Variants in DNAJC6 observed in about 807,000 individuals in gnomAD.
DNAJC6 encodes auxilin.
In DNAJC6, 34 loss-of-function variants were observed where a neutral mutation model predicts 110.0. The observed-to-expected ratio is 0.31, with a 90% confidence interval of 0.24 to 0.41. DNAJC6 has a LOEUF of 0.41. Ranked by LOEUF, DNAJC6 falls within the 10% of genes least tolerant of loss-of-function variation. DNAJC6 has a pLI of 1.00. For synonymous variants in DNAJC6, 406 were observed against 437.2 expected (o/e 0.93, Z 0.89); for missense variants, 1,031 against 1,207.8 (o/e 0.85, Z 2.17).
intron 1 of DNAJC6, among the ~76,000 whole-genome samples, chr1:65,300,577 T>C (rs368618936): frequency 1.3e-4 from 20 of 152,178 alleles, no homozygotes; most frequent in African/African-American, 4.6e-4. Flanking sequence ...GCATAGAAGA[T>C]GGAGAGCAAC....
intron 1 of DNAJC6, among the ~76,000 whole-genome samples, chr1:65,314,841 C>T (rs570191985): frequency 1.2e-4 from 19 of 152,318 alleles, no homozygotes; most frequent in African/African-American, 3.8e-4. Context: ...TCTGGATAAT[C>T]GTTTAAAGAT....
intron 5 of DNAJC6, among the ~76,000 whole-genome samples, chr1:65,381,603 C>A (rs1557552488): frequency 6.6e-6 from 1 of 151,208 alleles, no homozygotes; most frequent in African/African-American, 2.4e-5. Flanking sequence ...TAATAAAAAA[C>A]CAAAGTTTTT....
intron 14 of DNAJC6, among the ~76,000 whole-genome samples, 163 bp downstream of exon 14, chr1:65,399,044 A>G (rs1646006111): frequency 6.6e-6 from 1 of 152,214 alleles, no homozygotes; most frequent in South Asian, 2.1e-4. Context: ...AATGCACTTG[A>G]TGACATGATA....
intron 5 of DNAJC6, chr1:65,379,744 C>A: frequency 1.9e-6 from 1 of 529,254 alleles, no homozygotes; most frequent in Non-Finnish European, 3.2e-6. Context: ...ACACAACTCA[C>A]ATAGTGTGGG....
chr1:65,370,812 C>T (rs546518426), intron 4 of DNAJC6, among the ~76,000 whole-genome samples: 3 of 152,266 alleles, frequency 2.0e-5, no homozygotes, highest in Middle Eastern at 6.8e-3. Context: ...TCTTAAAGGA[C>T]TCATGATTGA....
At chr1:65,310,027 C>A in intron 1 of DNAJC6, 89 bp downstream of exon 1, 1 of 1,359,044 alleles carries the variant, frequency 7.4e-7, no homozygotes, top group Non-Finnish European at 9.5e-7. Flanking sequence ...CCCGTGGTCC[C>A]CCAGCCCCGG....
At chr1:65,323,986 C>T (rs1396158041) in intron 1 of DNAJC6, among the ~76,000 whole-genome samples, 1 of 152,120 alleles carries the variant, frequency 6.6e-6, no homozygotes, top group Non-Finnish European at 1.5e-5. Context: ...ATTCCTTGCC[C>T]TATAGTGGAT....
intron 1 of DNAJC6, among the ~76,000 whole-genome samples, chr1:65,360,481 C>G (rs994928265): frequency 3.3e-5 from 5 of 152,098 alleles, no homozygotes; most frequent in African/African-American, 9.7e-5. Flanking sequence ...GAAGAGACAT[C>G]TAATCAATTT....
At chr1:65,381,410 G>A (rs1258449082) in intron 5 of DNAJC6, among the ~76,000 whole-genome samples, 1 of 151,880 alleles carries the variant, frequency 6.6e-6, no homozygotes, top group Non-Finnish European at 1.5e-5. Context: ...TTAGCCAGGT[G>A]TGGTGCTGTG....
At chr1:65,355,348 A>G (rs1216448801) in intron 1 of DNAJC6, among the ~76,000 whole-genome samples, 1 of 151,278 alleles carries the variant, frequency 6.6e-6, no homozygotes, top group Admixed American at 6.6e-5. Context: ...TGGGTGTGCT[A>G]TTGCCTTGTA....
chr1:65,338,769 G>A (rs1557529425), intron 1 of DNAJC6, among the ~76,000 whole-genome samples: 1 of 152,126 alleles, frequency 6.6e-6, no homozygotes, highest in Non-Finnish European at 1.5e-5. Flanking sequence ...ATAAAATTTG[G>A]AGGTAGTACA....
chr1:65,411,735 C>T (rs563455602), intron 18 of DNAJC6, among the ~76,000 whole-genome samples: 1 of 150,406 alleles, frequency 6.6e-6, no homozygotes, highest in African/African-American at 2.5e-5. Context: ...TTGGGGGGGG[C>T]AGGGTAGGCG....
intron 1 of DNAJC6, among the ~76,000 whole-genome samples, chr1:65,291,846 G>C (rs1236439104): frequency 1.3e-5 from 2 of 152,142 alleles, no homozygotes; most frequent in African/African-American, 2.4e-5. Flanking sequence ...ATAGTGGAGT[G>C]AGGATTTGTA....
intron 4 of DNAJC6, among the ~76,000 whole-genome samples, chr1:65,370,368 C>T (rs986201846): frequency 4.6e-5 from 7 of 152,226 alleles, no homozygotes; most frequent in Admixed American, 3.9e-4. Flanking sequence ...AAACCTTTCT[C>T]ATCATCCCCA....
intron 1 of DNAJC6, among the ~76,000 whole-genome samples, chr1:65,275,283 T>G (rs752970903): frequency 9.9e-5 from 15 of 152,236 alleles, no homozygotes; most frequent in Non-Finnish European, 1.9e-4. Flanking sequence ...ACAAATATTC[T>G]CAGTTTTTAT....
chr1:65,265,805 C>CCGCGTGCCCAGGAAGGGCGCAGCGGAGT (rs1186937441), intron 1 of DNAJC6, among the ~76,000 whole-genome samples: 47 of 152,288 alleles, frequency 3.1e-4, no homozygotes, highest in Admixed American at 2.4e-3. Context: ...TGCTCCTGGC[C>CCGCGTGCCCAGGAAGGGCGCAGCGGAGT]CGCGTGCCCA....
At position 65,379,404 on chromosome 1, in the gene DNAJC6, C is replaced by G. The variant is rs753762106; in HGVS notation, c.546C>G (p.Val182=). 6 of 1,614,012 alleles carry G rather than the reference C, an allele frequency of 3.7e-6. No individual in the cohort carries two copies. The highest frequency in any genetic ancestry group is 3.4e-6 in the Non-Finnish European group (4 of 1,179,930). The change falls in exon 5 of 19, where the codon GTC becomes GTG. Residue 182 remains valine (V), a splice_region_variant and synonymous_variant. Transcript: ENST00000371069. ...TTCCTTTTGCTGTGCTCCCTTAGGTCTCAGAATGCAGTTGGCCCATTAGGC... is the reference window on the plus strand; with the variant it reads ...TTCCTTTTGCTGTGCTCCCTTAGGTGTCAGAATGCAGTTGGCCCATTAGGC... ...SYRTAKFHSR[V]SECSWPIRQA...
chr1:65,370,126 C>T (rs1645691652), intron 4 of DNAJC6, among the ~76,000 whole-genome samples: 1 of 152,012 alleles, frequency 6.6e-6, no homozygotes, highest in Admixed American at 6.6e-5. Context: ...CAATGAAGTC[C>T]TGGAGACCAA....
intron 1 of DNAJC6, among the ~76,000 whole-genome samples, chr1:65,347,447 A>C (rs1478374830): frequency 6.7e-6 from 1 of 149,154 alleles, no homozygotes; most frequent in Non-Finnish European, 1.5e-5. Context: ...CATCCTCCTC[A>C]CCCAGCCATT....
Sources: gnomAD v4.1 joint callset for allele counts (sites outside exome capture counted in the v4.1 genomes callset) on GRCh38, gnomAD v4.1.1 for gene constraint, MANE v1.5 for transcripts, NCBI Gene and HGNC (gene_info 2026-07-23, HGNC 2026-07-21) for gene names.